Variants in RAVER2 observed in about 807,000 individuals in gnomAD.
RAVER2 encodes the protein ribonucleoprotein, PTB binding 2, also known as ribonucleoprotein PTB-binding 2.
In RAVER2, 46 loss-of-function variants were observed where a neutral mutation model predicts 78.1. That is an observed-to-expected ratio of 0.59 (90% CI 0.46 to 0.75). RAVER2 has a LOEUF of 0.75. RAVER2 is among the 30% of genes least tolerant of loss of function. The pLI is 0.00. For missense variants in RAVER2, 793 were observed against 837.5 expected (o/e 0.95, Z 0.66); for synonymous variants, 311 against 313.3 (o/e 0.99, Z 0.08).
chr1:64,796,674 G>T (rs181128580), intron 5 of RAVER2, among the ~76,000 whole-genome samples: 1 of 152,092 alleles, frequency 6.6e-6, no homozygotes, highest in East Asian at 1.9e-4. Flanking sequence ...CTGGCAAAAG[G>T]TTTATCAGTA....
intron 3 of RAVER2, among the ~76,000 whole-genome samples, chr1:64,780,272 C>G (rs1158348834): frequency 6.6e-6 from 1 of 151,956 alleles, no homozygotes; most frequent in Non-Finnish European, 1.5e-5. Context: ...ATTTTAAGAA[C>G]TGGTTTGGAT....
At chr1:64,811,061 T>C (rs1044537089) in intron 9 of RAVER2, among the ~76,000 whole-genome samples, 2 of 152,166 alleles carry the variant, frequency 1.3e-5, no homozygotes, top group Non-Finnish European at 2.9e-5. Flanking sequence ...AAACCTATTA[T>C]TAAAAAGTTA....
chr1:64,787,075 T>A (rs761166046), intron 4 of RAVER2, among the ~76,000 whole-genome samples: 2 of 152,224 alleles, frequency 1.3e-5, no homozygotes, highest in Non-Finnish European at 2.9e-5. Context: ...CATTTCTCAT[T>A]GGTTATTCTT....
intron 11 of RAVER2, among the ~76,000 whole-genome samples, chr1:64,819,916 G>C (rs1653843900): frequency 6.6e-6 from 1 of 152,054 alleles, no homozygotes; most frequent in Non-Finnish European, 1.5e-5. Flanking sequence ...ACACCATTGA[G>C]AACCACTGTG....
chr1:64,814,590 A>G (rs1653708001), intron 10 of RAVER2, 114 bp from the exon 11 acceptor site: 2 of 597,328 alleles, frequency 3.3e-6, no homozygotes, highest in South Asian at 7.9e-5. Context: ...ATAATAAAAT[A>G]TAATTTGTTT....
chr1:64,761,532 ATACT>A (rs1652021331), intron 1 of RAVER2, among the ~76,000 whole-genome samples: 1 of 152,226 alleles, frequency 6.6e-6, no homozygotes, highest in Non-Finnish European at 1.5e-5. Flanking sequence ...ATACATCGTA[ATACT>A]TACAGCAGGC....
At chr1:64,803,315 A>G (rs183853515) in intron 6 of RAVER2, among the ~76,000 whole-genome samples, 26 of 152,306 alleles carry the variant, frequency 1.7e-4, no homozygotes, top group Admixed American at 5.2e-4. Flanking sequence ...GGAAAGTGGT[A>G]TATTTTTTTC....
chr1:64,747,684 TG>T (rs1432543840), intron 1 of RAVER2, among the ~76,000 whole-genome samples: 1 of 152,140 alleles, frequency 6.6e-6, no homozygotes, highest in Admixed American at 6.5e-5. Context: ...GGCTAATTTT[TG>T]TATTTTTTAG....
chr1:64,822,941 C>T (rs1310851460), intron 11 of RAVER2, among the ~76,000 whole-genome samples: 2 of 152,168 alleles, frequency 1.3e-5, no homozygotes, highest in African/African-American at 4.8e-5. Context: ...AAAAAGTCCA[C>T]ATATGATATT....
In RAVER2 at chr1:64,807,303, G is replaced by T. The variant is rs772495673; in HGVS notation, c.1509G>T (p.Gly503=). 1.9e-6 allele frequency: 3 copies of T among 1,614,126 alleles called. No homozygotes were observed. In the South Asian group the frequency reaches 3.3e-5, roughly 18 times the overall value. The change falls in exon 9 of 12, where the codon GGG becomes GGT. Residue 503 remains glycine (G), a synonymous_variant. Transcript: ENST00000294428. ...ACATTGCTGGACAGGCTGGGCCAGG[G>T]CACAGTAATACTCAGGAGAAACAGC... is the stretch of plus-strand genomic sequence containing the variant.
At chr1:64,775,969 G>C (rs1297239785) in intron 2 of RAVER2, among the ~76,000 whole-genome samples, 1 of 145,288 alleles carries the variant, frequency 6.9e-6, no homozygotes, top group Non-Finnish European at 1.5e-5. Flanking sequence ...GATGAGCTGA[G>C]ATCGGCACCA....
intron 2 of RAVER2, among the ~76,000 whole-genome samples, chr1:64,776,320 G>A (rs368738980): frequency 5.3e-5 from 8 of 152,178 alleles, no homozygotes; most frequent in African/African-American, 1.9e-4. Context: ...TTTTTTGGAA[G>A]AGATGTTGGA....
intron 9 of RAVER2, among the ~76,000 whole-genome samples, chr1:64,811,260 G>A (rs1473628732): frequency 6.6e-6 from 1 of 152,168 alleles, no homozygotes; most frequent in Non-Finnish European, 1.5e-5. Flanking sequence ...CTCAAGTGTT[G>A]AGAGGATCCA....
At chr1:64,750,671 C>A (rs1009144724) in intron 1 of RAVER2, among the ~76,000 whole-genome samples, 1 of 152,076 alleles carries the variant, frequency 6.6e-6, no homozygotes, top group Non-Finnish European at 1.5e-5. Flanking sequence ...ATTATTGCCT[C>A]TTTTTAAAAT....
At chr1:64,758,507 G>T (rs971715117) in intron 1 of RAVER2, among the ~76,000 whole-genome samples, 1 of 152,164 alleles carries the variant, frequency 6.6e-6, no homozygotes, top group Admixed American at 6.5e-5. Flanking sequence ...GACGTGATTC[G>T]CTGTTTGTTG....
intron 5 of RAVER2, among the ~76,000 whole-genome samples, chr1:64,791,683 C>A (rs1029955775): frequency 6.6e-6 from 1 of 152,138 alleles, no homozygotes; most frequent in Non-Finnish European, 1.5e-5. Context: ...TATAGAGATA[C>A]TCTTTTTTGT....
At chr1:64,818,505 C>T (rs770018049) in intron 11 of RAVER2, among the ~76,000 whole-genome samples, 1 of 152,170 alleles carries the variant, frequency 6.6e-6, no homozygotes, top group Non-Finnish European at 1.5e-5. Flanking sequence ...CACTGCACTC[C>T]AGCCTGGGCG....
chr1:64,753,724 A>T (rs1203091290), intron 1 of RAVER2, among the ~76,000 whole-genome samples: 3 of 151,724 alleles, frequency 2.0e-5, no homozygotes, highest in Non-Finnish European at 4.4e-5. Context: ...GGGTTTCACC[A>T]TGTTGGTCAG....
At chr1:64,792,912 G>T (rs1398601106) in intron 5 of RAVER2, among the ~76,000 whole-genome samples, 3 of 152,192 alleles carry the variant, frequency 2.0e-5, no homozygotes, top group Non-Finnish European at 4.4e-5. Context: ...ATAAAGAATT[G>T]TAATTCTTGG....
Sources: gnomAD v4.1 joint callset for allele counts (sites outside exome capture counted in the v4.1 genomes callset) on GRCh38, gnomAD v4.1.1 for gene constraint, MANE v1.5 for transcripts, NCBI Gene and HGNC (gene_info 2026-07-23, HGNC 2026-07-21) for gene names.